ARG2: variants seen among roughly 807,000 people sequenced by gnomAD.
ARG2 encodes arginase-2, mitochondrial.
A neutral mutation model predicts 39.4 loss-of-function variants in ARG2; 21 were observed. That is an observed-to-expected ratio of 0.53 (90% CI 0.38 to 0.77). The LOEUF (loss-of-function observed/expected upper bound fraction) is 0.77, where lower values mean the gene tolerates loss of function less well. Among genes scored for constraint, ARG2 ranks in the 30% least tolerant of loss-of-function variants. The pLI, the probability that ARG2 is intolerant of heterozygous loss-of-function variation, is 0.00. For synonymous variants in ARG2, 150 were observed against 156.7 expected (o/e 0.96, Z 0.32); for missense variants, 378 against 426.2 (o/e 0.89, Z 1.00).
At chr14:67,624,802 G>A (rs188325714) in intron 2 of ARG2, among the ~76,000 whole-genome samples, 39 of 152,318 alleles carry the variant, frequency 2.6e-4, no homozygotes, top group Non-Finnish European at 3.1e-4. Context: ...ATTAACCAAA[G>A]GCTTGCAGCA....
At chr14:67,635,020 G>A (rs1387376561) in intron 2 of ARG2, among the ~76,000 whole-genome samples, 1 of 152,204 alleles carries the variant, frequency 6.6e-6, no homozygotes, top group Non-Finnish European at 1.5e-5. Context: ...TGAAGAGGGT[G>A]GATCGCCTGA....
intron 2 of ARG2, among the ~76,000 whole-genome samples, chr14:67,636,289 AC>A (rs1392012765): frequency 2.6e-5 from 4 of 152,148 alleles, no homozygotes; most frequent in African/African-American, 9.7e-5. Context: ...AAACAAAAAA[AC>A]AAAACCTTAC....
At chr14:67,631,985 C>T (rs560435359) in intron 2 of ARG2, among the ~76,000 whole-genome samples, 1 of 152,180 alleles carries the variant, frequency 6.6e-6, no homozygotes, top group African/African-American at 2.4e-5. Flanking sequence ...AGTGATTCTT[C>T]CACCTCAGTG....
intron 2 of ARG2, among the ~76,000 whole-genome samples, chr14:67,625,266 G>A (rs898271960): frequency 5.9e-5 from 9 of 152,166 alleles, no homozygotes; most frequent in African/African-American, 1.9e-4. Flanking sequence ...ACATAGGACT[G>A]GATTTTTGCG....
At chr14:67,646,499 C>T in intron 4 of ARG2, 145 bp from the exon 5 acceptor site, 1 of 601,490 alleles carries the variant, frequency 1.7e-6, no homozygotes, top group Admixed American at 3.2e-5. Context: ...CTTCTCCTTC[C>T]CAGATCAAGT....
Position 67,650,969 on chromosome 14 carries a change from A to G in ARG2, c.*49A>G, listed in dbSNP as rs1202059933. On this transcript the variant is annotated 3_prime_UTR_variant, in exon 8 of 8. Transcript: ENST00000261783. ...TCACAACAGGCATTCCAGAATTATG[A>G]GGCATTGAGGGGATAGATGAATACT... is the stretch of plus-strand genomic sequence containing the variant. 27 of 1,551,220 alleles carry G rather than the reference A, an allele frequency of 1.7e-5. No individual in the cohort carries two copies. Among genetic ancestry groups the G allele is most frequent in the Non-Finnish European group, 2.1e-5 (24 of 1,128,906 alleles).
At chr14:67,632,218 C>T (rs2036925636) in intron 2 of ARG2, among the ~76,000 whole-genome samples, 2 of 152,132 alleles carry the variant, frequency 1.3e-5, no homozygotes, top group Non-Finnish European at 2.9e-5. Context: ...ATTTTTCCTC[C>T]TAACTGCAAA....
At chr14:67,634,594 CA>C (rs5809357) in intron 2 of ARG2, among the ~76,000 whole-genome samples, 2,184 of 115,258 alleles carry the variant, frequency 0.019, 33 homozygotes, top group African/African-American at 0.061. Flanking sequence ...ACCGTGTCTC[CA>C]AAAAAAAAAA....
At chr14:67,635,871 TTTAAA>T (rs1353292076) in intron 2 of ARG2, among the ~76,000 whole-genome samples, 1 of 152,110 alleles carries the variant, frequency 6.6e-6, no homozygotes, top group Admixed American at 6.6e-5. Flanking sequence ...TTTTTTAAAT[TTTAAA>T]TTAATTTCCA....
Position 67,646,707 on chromosome 14 carries a change from A to G in ARG2, c.586A>G (p.Ile196Val). The change falls in exon 5 of 8, where the codon ATT becomes GTT. Residue 196 changes from isoleucine (I) to valine (V), a missense_variant. Transcript: ENST00000261783. ...PCISSASIVY[I>V]GLRDVDPPEH... ...TATCTCTTCTGCAAGTATTGTGTAT[A>G]TTGGTCTGAGAGACGTGGACCCTCC... 5.0e-6 allele frequency: 8 copies of G among 1,613,818 alleles called. No individual in the cohort carries two copies. Among genetic ancestry groups the G allele is most frequent in the Non-Finnish European group, 6.8e-6 (8 of 1,179,764 alleles).
At chr14:67,645,936 T>C (rs1253901918) in intron 4 of ARG2, 134 bp downstream of exon 4, 1 of 1,030,962 alleles carries the variant, frequency 9.7e-7, no homozygotes. Flanking sequence ...ATCACTATTA[T>C]GGACCAGGCA....
Position 67,642,276 on chromosome 14 carries a change from T to A in ARG2, c.275T>A (p.Val92Glu). The A allele has an allele frequency of 6.2e-7, 1 of 1,614,044 alleles. No individual in the cohort carries two copies. The highest frequency in any genetic ancestry group is 8.5e-7 in the Non-Finnish European group (1 of 1,179,996). ...AACCTGATAGTGAATCCACGCTCAG[T>A]GGGTCTTGCCAACCAGGAACTGGCT... ...YNNLIVNPRS[V>E]GLANQELAEV... The change falls in exon 3 of 8, where the codon GTG becomes GAG. Residue 92 changes from valine (V) to glutamate (E), a missense_variant. Val to Glu is a moderately radical substitution (Grantham distance 121). Transcript: ENST00000261783.
chr14:67,644,370 T>C (rs1219377154), intron 3 of ARG2, among the ~76,000 whole-genome samples: 2 of 152,198 alleles, frequency 1.3e-5, no homozygotes, highest in African/African-American at 4.8e-5. Flanking sequence ...ATTAGATGGT[T>C]TGTCTTCAGT....
intron 2 of ARG2, among the ~76,000 whole-genome samples, chr14:67,628,702 G>A (rs1354719661): frequency 6.6e-6 from 1 of 152,128 alleles, no homozygotes. Context: ...TCAGCCATTA[G>A]GATGGCTACT....
At chr14:67,640,642 T>TTAC (rs1352621715) in intron 2 of ARG2, among the ~76,000 whole-genome samples, 3 of 152,220 alleles carry the variant, frequency 2.0e-5, no homozygotes, top group Non-Finnish European at 4.4e-5. Flanking sequence ...TCTTATCTTG[T>TTAC]TACTGCCCCT....
chr14:67,651,040 A>G lies in ARG2; in HGVS notation c.*120A>G. On this transcript the variant is annotated 3_prime_UTR_variant, in exon 8 of 8. Transcript: ENST00000261783. ...ACTGCCTTAATGAGAACATTTACAC[A>G]TTCTCACAATTGTAAAGTTTCCCCT... 9.0e-7 allele frequency: 1 copy of G among 1,112,046 alleles called. No homozygotes were observed. Among genetic ancestry groups the G allele is most frequent in the Non-Finnish European group, 1.3e-6 (1 of 775,148 alleles). 68.9% of individuals were successfully genotyped at this position (1,112,046 alleles called of 1,614,324 possible).
chr14:67,642,259 A>T lies in ARG2; in HGVS notation c.258A>T (p.Ile86=). 6.2e-7 allele frequency: 1 copy of T among 1,614,130 alleles called. No individual in the cohort carries two copies. The highest frequency in any genetic ancestry group is 1.7e-5 in the Admixed American group (1 of 60,000). ...VPKDDLYNNL[I]VNPRSVGLAN... Reference sequence around the variant, plus strand: ...AAGATGATCTCTACAACAACCTGATAGTGAATCCACGCTCAGTGGGTCTTG... The same window carrying T: ...AAGATGATCTCTACAACAACCTGATTGTGAATCCACGCTCAGTGGGTCTTG... Residue 86 remains isoleucine, a synonymous_variant, in exon 3 of 8, where the codon ATA becomes ATT. Transcript: ENST00000261783.
chr14:67,629,489 T>TA (rs762654809), intron 2 of ARG2, among the ~76,000 whole-genome samples: 4 of 152,200 alleles, frequency 2.6e-5, no homozygotes, highest in Non-Finnish European at 5.9e-5. Flanking sequence ...GTCCAATTTA[T>TA]AAAAACAAAG....
Position 67,642,216 on chromosome 14 carries a change from G to A in ARG2, c.215G>A (p.Ser72Asn), listed in dbSNP as rs1566803309. The change falls in exon 3 of 8, where the codon AGT becomes AAT. Residue 72 changes from serine to asparagine, a missense_variant. Physicochemically the swap from Ser to Asn is conservative, Grantham distance 46. Coordinates refer to ENST00000261783, the MANE Select transcript of ARG2 (RefSeq NM_001172.4). Reference protein sequence around the residue: ...GCHLKDFGDLSFTPVPKDDLY... With the variant: ...GCHLKDFGDLNFTPVPKDDLY... ...CACCTAAAAGACTTTGGAGATTTGA[G>A]TTTTACTCCAGTCCCCAAAGATGAT... 3 of 1,614,044 alleles carry A rather than the reference G, an allele frequency of 1.9e-6. No homozygotes were observed. Among genetic ancestry groups the A allele is most frequent in the Non-Finnish European group, 2.5e-6 (3 of 1,179,960 alleles).
Sources: allele counts gnomAD v4.1 joint callset (sites outside exome capture counted in the v4.1 genomes callset), GRCh38; gene constraint gnomAD v4.1.1; transcripts MANE v1.5; gene names NCBI Gene and HGNC (gene_info 2026-07-23, HGNC 2026-07-21).